The following HSDL2 variants were observed in gnomAD, a reference collection of about 807,000 sequenced individuals.
The protein encoded by HSDL2 is hydroxysteroid dehydrogenase-like protein 2.
HSDL2 carries 27 observed loss-of-function variants against 46.3 expected under a neutral mutation model. The observed-to-expected ratio is 0.58, with a 90% CI of 0.43 to 0.80. HSDL2 has a LOEUF of 0.80. Ranked by LOEUF, HSDL2 falls within the 30% of genes least tolerant of loss-of-function variation. HSDL2 has a pLI of 0.00. For missense variants in HSDL2, 451 were observed against 502.7 expected, an observed-to-expected ratio of 0.90 and a Z score of 0.98; for synonymous variants, 153 against 163.6, an observed-to-expected ratio of 0.94 and a Z score of 0.50.
chr9:112,429,865 G>A (rs1294180932), intron 6 of HSDL2, among the ~76,000 whole-genome samples: 4 of 152,120 alleles, frequency 2.6e-5, no homozygotes, highest in Non-Finnish European at 5.9e-5. Flanking sequence ...GTCAAAGCAG[G>A]CCGATCGCTG....
chr9:112,426,820 T>C (rs1346398311), intron 6 of HSDL2, among the ~76,000 whole-genome samples: 1 of 152,224 alleles, frequency 6.6e-6, no homozygotes, highest in Non-Finnish European at 1.5e-5. Context: ...TTAGGTATTA[T>C]AAATAACCTC....
intron 8 of HSDL2, among the ~76,000 whole-genome samples, chr9:112,449,378 C>G (rs758417858): frequency 6.6e-6 from 1 of 151,892 alleles, no homozygotes; most frequent in East Asian, 1.9e-4. Flanking sequence ...TGAGCCACCA[C>G]GCCCAGCCTC....
At chr9:112,445,230 T>A (rs1420869991) in intron 8 of HSDL2, among the ~76,000 whole-genome samples, 9 of 152,150 alleles carry the variant, frequency 5.9e-5, no homozygotes, top group Admixed American at 5.9e-4. Flanking sequence ...TGTTCTGGAT[T>A]CTCAGAAACA....
At position 112,408,970 on chromosome 9, in the gene HSDL2, C is replaced by T; in HGVS notation, c.344C>T (p.Thr115Ile). The change falls in exon 4 of 11, where the codon ACC becomes ATC. Residue 115 changes from threonine (T) to isoleucine (I), a missense_variant. Physicochemically the swap from Thr to Ile is moderately conservative, Grantham distance 89. Transcript: ENST00000398805. ...TTGACCAATACATTGGACACACCTA[C>T]CAAGAGATTGGATCTGATGATGAAC... ...ISLTNTLDTPTKRLDLMMNVN... is the reference protein window; with the variant it reads ...ISLTNTLDTPIKRLDLMMNVN... 1.2e-6 allele frequency: 2 copies of T among 1,609,942 alleles called. No individual in the cohort carries two copies. The highest frequency in any genetic ancestry group is 1.3e-5 in the African/African-American group (1 of 74,846).
chr9:112,424,102 C>T (rs980822192), intron 6 of HSDL2, among the ~76,000 whole-genome samples: 29 of 151,424 alleles, frequency 1.9e-4, no homozygotes, highest in African/African-American at 6.3e-4. Context: ...GGGCGGATCA[C>T]GAGGTCAGGA....
chr9:112,403,359 T>C (rs976186011), intron 1 of HSDL2, among the ~76,000 whole-genome samples: 5 of 152,256 alleles, frequency 3.3e-5, no homozygotes, highest in African/African-American at 1.2e-4. Flanking sequence ...CATGACTGGT[T>C]TCTTCCTCTT....
At position 112,421,448 on chromosome 9, in the gene HSDL2, T is replaced by G. The variant is rs146705112; in HGVS notation, c.598+2490T>G. ...ACCACCTTAGGAATCAATACTGGTGTTTCTGCTCCTAGGGTAGTGCTCTGC... is the reference window on the plus strand; with the variant it reads ...ACCACCTTAGGAATCAATACTGGTGGTTCTGCTCCTAGGGTAGTGCTCTGC... On this transcript the variant is annotated intron_variant, in intron 6 of 10. Coordinates refer to ENST00000398805, the MANE Select transcript of HSDL2 (RefSeq NM_032303.5). Among the ~76,000 whole-genome samples, 275 of 152,342 alleles carry G rather than the reference T, an allele frequency of 1.8e-3. 3 individuals carry two copies. In the East Asian group the frequency reaches 0.018, roughly 10 times the overall value.
intron 8 of HSDL2, among the ~76,000 whole-genome samples, chr9:112,442,164 G>T (rs571926866): frequency 6.6e-6 from 1 of 151,362 alleles, no homozygotes; most frequent in South Asian, 2.1e-4. Context: ...AGCTACTCAG[G>T]AGGCTGAGGT....
At chr9:112,426,206 A>G (rs979874476) in intron 6 of HSDL2, among the ~76,000 whole-genome samples, 17 of 148,356 alleles carry the variant, frequency 1.1e-4, no homozygotes, top group Admixed American at 1.1e-3. Flanking sequence ...TTTCTTTCCT[A>G]CACAATCCCC....
At chr9:112,460,585 C>G (rs1420434507) in intron 10 of HSDL2, among the ~76,000 whole-genome samples, 2 of 152,118 alleles carry the variant, frequency 1.3e-5, no homozygotes, top group Non-Finnish European at 1.5e-5. Flanking sequence ...CCTGTCTCTA[C>G]AGAAAATACA....
chr9:112,462,600 ATGTGTGTGTGTGTGTGTGTG>A lies in HSDL2; in HGVS notation c.1144+3045_1144+3064del, dbSNP rs3032131. On this transcript the variant is annotated intron_variant, in intron 10 of 10. Transcript: ENST00000398805. Reference sequence around the variant, plus strand: ...AATATTACTTTACCTGAGGAGGGGGATGTGTGTGTGTGTGTGTGTGTGTGTGTGTGTGTGTGTGTGTATAA... The same window carrying A: ...AATATTACTTTACCTGAGGAGGGGGATGTGTGTGTGTGTGTGTGTGTATAA... Among the ~76,000 whole-genome samples, 425 of 146,732 alleles carry A rather than the reference ATGTGTGTGTGTGTGTGTGTG, an allele frequency of 2.9e-3. 4 individuals carry two copies. Among genetic ancestry groups the A allele is most frequent in the Middle Eastern group, 0.014 (4 of 286 alleles).
At chr9:112,407,580 C>A (rs1265823143) in intron 3 of HSDL2, among the ~76,000 whole-genome samples, 2 of 152,100 alleles carry the variant, frequency 1.3e-5, no homozygotes, top group Admixed American at 1.3e-4. Context: ...CCAGGCCTAG[C>A]TAATTTTTGT....
chr9:112,412,309 T>G (rs919263430), intron 4 of HSDL2, among the ~76,000 whole-genome samples: 10 of 152,186 alleles, frequency 6.6e-5, no homozygotes, highest in Non-Finnish European at 1.5e-4. Flanking sequence ...TTTCATGACA[T>G]GAAATGACTT....
rs1371728754 is a variant in HSDL2, at chr9:112,472,095, T to G, written c.*1551T>G. The G allele has an allele frequency of 6.6e-6, 1 of 152,196 alleles. No individual in the cohort carries two copies. The highest frequency in any genetic ancestry group is 1.5e-5 in the Non-Finnish European group (1 of 68,034). 9.4% of individuals were successfully genotyped at this position (152,196 alleles called of 1,614,324 possible). A position where few individuals can be genotyped will look rare whatever the true frequency, so the allele number is the denominator to read the frequency against. ...AGGAATGGAGTCCATGTAATCAAAG[T>G]GAACTTAAAAATAGGACAGTTTCAA... is the stretch of plus-strand genomic sequence containing the variant. On this transcript the variant is annotated 3_prime_UTR_variant, in exon 11 of 11. Coordinates refer to ENST00000398805, the MANE Select transcript of HSDL2 (RefSeq NM_032303.5).
intron 8 of HSDL2, among the ~76,000 whole-genome samples, chr9:112,452,801 A>C (rs1832919128): frequency 6.6e-6 from 1 of 152,164 alleles, no homozygotes; most frequent in Non-Finnish European, 1.5e-5. Flanking sequence ...TATGGGAGCA[A>C]AGCAGTCCTA....
intron 10 of HSDL2, among the ~76,000 whole-genome samples, chr9:112,468,083 C>T (rs1833446440): frequency 6.6e-6 from 1 of 152,142 alleles, no homozygotes; most frequent in African/African-American, 2.4e-5. Flanking sequence ...GGTTGCAATT[C>T]ATTTTCCCTC....
At chr9:112,452,044 A>G in intron 8 of HSDL2, among the ~76,000 whole-genome samples, 1 of 152,232 alleles carries the variant, frequency 6.6e-6, no homozygotes, top group Non-Finnish European at 1.5e-5. Context: ...TGCAGGCAAT[A>G]AAGGGGTACA....
intron 1 of HSDL2, among the ~76,000 whole-genome samples, chr9:112,381,692 G>A (rs1012056301): frequency 6.6e-6 from 1 of 152,124 alleles, no homozygotes; most frequent in Non-Finnish European, 1.5e-5. Flanking sequence ...TTCTGTAACA[G>A]CTTGAGTATC....
At chr9:112,389,561 AC>A (rs1431149669) in intron 1 of HSDL2, among the ~76,000 whole-genome samples, 1 of 152,240 alleles carries the variant, frequency 6.6e-6, no homozygotes, top group Non-Finnish European at 1.5e-5. Context: ...AATAAAGCCA[AC>A]AAAAGATGTA....
Sources: gnomAD v4.1 joint callset for allele counts (sites outside exome capture counted in the v4.1 genomes callset) on GRCh38, gnomAD v4.1.1 for gene constraint, MANE v1.5 for transcripts, NCBI Gene and HGNC (gene_info 2026-07-23, HGNC 2026-07-21) for gene names.